CNTNAP2: variants seen among roughly 807,000 people sequenced by gnomAD.
CNTNAP2 encodes the protein contactin associated protein 2, also known as contactin-associated protein-like 2.
A neutral mutation model predicts 155.2 loss-of-function variants in CNTNAP2; 98 were observed. That is an observed-to-expected ratio of 0.63 (90% CI 0.54 to 0.75). The LOEUF is 0.75. Among genes scored for constraint, CNTNAP2 ranks in the 30% least tolerant of loss-of-function variants. The probability of loss-of-function intolerance (pLI) is 0.00; values close to 1 mark genes in which losing one functional copy is unlikely to be tolerated. For missense variants in CNTNAP2, 1,727 were observed against 1,688.1 expected (o/e 1.02, Z -0.40); for synonymous variants, 651 against 631.2 (o/e 1.03, Z -0.47).
chr7:147,021,596 A>T (rs1405997816), intron 3 of CNTNAP2, among the ~76,000 whole-genome samples: 1 of 152,188 alleles, frequency 6.6e-6, no homozygotes, highest in Non-Finnish European at 1.5e-5. Flanking sequence ...TCACAGTTAT[A>T]AAACAACCTC....
chr7:146,327,137 C>T lies in CNTNAP2; in HGVS notation c.97+210164C>T, dbSNP rs1158798587. Reference sequence around the variant, plus strand: ...GGAGAAATTTCACTAATTCCCTAAACTTAATTATTCAAGGGTATTTGAAGA... The same window carrying T: ...GGAGAAATTTCACTAATTCCCTAAATTTAATTATTCAAGGGTATTTGAAGA... On this transcript the variant is annotated intron_variant, in intron 1 of 23. Transcript: ENST00000361727. Among the ~76,000 whole-genome samples the T allele has an allele frequency of 6.6e-5, 10 of 151,910 alleles. No homozygotes were observed. In the East Asian group the frequency reaches 1.5e-3, roughly 23 times the overall value.
chr7:146,545,556 T>C (rs1798016860), intron 1 of CNTNAP2, among the ~76,000 whole-genome samples: 3 of 151,970 alleles, frequency 2.0e-5, no homozygotes, highest in African/African-American at 7.2e-5. Context: ...GTGTTCTTAT[T>C]GTCCAACTCC....
At chr7:147,358,828 T>C (rs1479204762) in intron 9 of CNTNAP2, among the ~76,000 whole-genome samples, 3 of 152,152 alleles carry the variant, frequency 2.0e-5, no homozygotes, top group African/African-American at 7.2e-5. Flanking sequence ...TCTGAAAACC[T>C]ATTCATGTAC....
At chr7:146,813,805 G>A (rs954786378) in intron 2 of CNTNAP2, among the ~76,000 whole-genome samples, 2 of 152,140 alleles carry the variant, frequency 1.3e-5, no homozygotes, top group Non-Finnish European at 2.9e-5. Context: ...ATCCCCATGT[G>A]TCATGGGAGA....
In CNTNAP2 at chr7:148,158,222, C is replaced by CTTTTTTT. The variant is rs1224617335; in HGVS notation, c.2773+10526_2773+10532dup. On this transcript the variant is annotated intron_variant, in intron 17 of 23. Coordinates refer to ENST00000361727, the MANE Select transcript of CNTNAP2 (RefSeq NM_014141.6). Reference sequence around the variant, plus strand: ...AGTGATGATAGGTACAATGTTTGCGCTTTTTTTTTTTTTTTTTTTGAGACA... The same window carrying CTTTTTTT: ...AGTGATGATAGGTACAATGTTTGCGCTTTTTTTTTTTTTTTTTTTTTTTTTTGAGACA... 2.4e-4 allele frequency among the ~76,000 whole-genome samples: 23 copies of CTTTTTTT among 94,798 alleles called. 3 individuals are homozygous for CTTTTTTT. The highest frequency in any genetic ancestry group is 4.5e-4 in the African/African-American group (9 of 20,112). The allele number at this position is 94,798 out of a possible 152,430, so 62.2% of individuals were successfully genotyped here.
chr7:148,186,960 G>A (rs1585175421), intron 18 of CNTNAP2, among the ~76,000 whole-genome samples: 1 of 152,268 alleles, frequency 6.6e-6, no homozygotes, highest in Middle Eastern at 3.4e-3. Context: ...TTGGATACCA[G>A]ATAACACAGC....
intron 1 of CNTNAP2, among the ~76,000 whole-genome samples, chr7:146,365,297 C>G (rs572047762): frequency 6.6e-6 from 1 of 152,254 alleles, no homozygotes; most frequent in South Asian, 2.1e-4. Flanking sequence ...TAAGGACCCT[C>G]AGCAGGGCCC....
chr7:147,474,912 A>G (rs182017002), intron 10 of CNTNAP2, among the ~76,000 whole-genome samples: 5 of 152,194 alleles, frequency 3.3e-5, no homozygotes, highest in African/African-American at 1.2e-4. Flanking sequence ...TCTGACCTTC[A>G]TGCATCACCA....
chr7:147,876,600 ATAT>A (rs1318643469), intron 13 of CNTNAP2, among the ~76,000 whole-genome samples: 1 of 150,436 alleles, frequency 6.6e-6, no homozygotes, highest in Non-Finnish European at 1.5e-5. Flanking sequence ...TGTAATACAA[ATAT>A]TATTGTTATT....
chr7:146,918,929 T>C (rs976744293), intron 3 of CNTNAP2, among the ~76,000 whole-genome samples: 7 of 152,234 alleles, frequency 4.6e-5, no homozygotes, highest in African/African-American at 1.4e-4. Flanking sequence ...AAAAGCCTTG[T>C]CTTTGACCTC....
intron 13 of CNTNAP2, among the ~76,000 whole-genome samples, chr7:147,814,288 C>T (rs541442474): frequency 6.6e-6 from 1 of 152,142 alleles, no homozygotes; most frequent in South Asian, 2.1e-4. Context: ...CCCATTAAAC[C>T]ATCATCTAGA....
At chr7:148,243,594 G>A (rs1796198475) in intron 20 of CNTNAP2, among the ~76,000 whole-genome samples, 2 of 152,084 alleles carry the variant, frequency 1.3e-5, no homozygotes, top group Non-Finnish European at 2.9e-5. Context: ...GGAGGGGAAT[G>A]CCTCTTTTTA....
intron 13 of CNTNAP2, among the ~76,000 whole-genome samples, chr7:147,882,331 T>C (rs77825125): frequency 0.033 from 4,993 of 152,288 alleles, 132 homozygotes; most frequent in Non-Finnish European, 0.053. Flanking sequence ...CTGATCTCTA[T>C]TTCACAGCCA....
chr7:148,170,471 G>A (rs1332000121), intron 17 of CNTNAP2, among the ~76,000 whole-genome samples: 1 of 152,208 alleles, frequency 6.6e-6, no homozygotes, highest in East Asian at 1.9e-4. Flanking sequence ...GAGGTGTGAA[G>A]CCCAGTTGAC....
chr7:148,321,588 C>T (rs1213959502), intron 21 of CNTNAP2, among the ~76,000 whole-genome samples: 2 of 152,174 alleles, frequency 1.3e-5, no homozygotes, highest in African/African-American at 4.8e-5. Context: ...AAAATGGCTC[C>T]CCAAAAGCAG....
chr7:147,039,376 C>T (rs1434860352), intron 3 of CNTNAP2, among the ~76,000 whole-genome samples: 1 of 152,150 alleles, frequency 6.6e-6, no homozygotes, highest in Non-Finnish European at 1.5e-5. Flanking sequence ...ACCCTCCACT[C>T]TCCAGGAGAC....
At chr7:148,285,466 G>T (rs1335577204) in intron 21 of CNTNAP2, among the ~76,000 whole-genome samples, 1 of 152,184 alleles carries the variant, frequency 6.6e-6, no homozygotes, top group South Asian at 2.1e-4. Flanking sequence ...TTTATCACGG[G>T]TGCCAGATTT....
chr7:148,260,389 T>C (rs1389852411), intron 20 of CNTNAP2, among the ~76,000 whole-genome samples: 2 of 152,188 alleles, frequency 1.3e-5, no homozygotes, highest in Non-Finnish European at 2.9e-5. Context: ...CTAATATCTA[T>C]TCAATAAGAC....
At chr7:147,014,736 C>T (rs750393596) in intron 3 of CNTNAP2, among the ~76,000 whole-genome samples, 4 of 151,966 alleles carry the variant, frequency 2.6e-5, no homozygotes, top group Admixed American at 2.0e-4. Context: ...GCGGTTAATC[C>T]GGAGTGAAAG....
Sources: allele counts gnomAD v4.1 joint callset (sites outside exome capture counted in the v4.1 genomes callset), GRCh38; gene constraint gnomAD v4.1.1; transcripts MANE v1.5; gene names NCBI Gene and HGNC (gene_info 2026-07-23, HGNC 2026-07-21).